The following MRC1 variants were observed in gnomAD, a reference collection of about 807,000 sequenced individuals.
MRC1 encodes mannose receptor C-type 1.
MRC1 carries 62 observed loss-of-function variants against 102.9 expected under a neutral mutation model. The ratio of observed to expected loss-of-function variants is 0.60; its 90% CI spans 0.49 to 0.74. The LOEUF (loss-of-function observed/expected upper bound fraction) is 0.74. Among genes scored for constraint, MRC1 ranks in the 30% least tolerant of loss-of-function variants. The pLI is 0.00. For synonymous variants in MRC1, 457 were observed against 298.4 expected (o/e 1.53, Z -5.48); for missense variants, 1,237 against 862.8 (o/e 1.43, Z -5.43).
chr10:17,859,485 T>A (rs948414873), intron 9 of MRC1, among the ~76,000 whole-genome samples: 1 of 152,076 alleles, frequency 6.6e-6, no homozygotes, highest in Non-Finnish European at 1.5e-5. Flanking sequence ...GCCCAGCTAA[T>A]TTTTGCATTT....
intron 1 of MRC1, among the ~76,000 whole-genome samples, chr10:17,818,854 CAAG>C (rs1161234763): frequency 6.6e-6 from 1 of 152,066 alleles, no homozygotes; most frequent in East Asian, 1.9e-4. Context: ...GTGAGCATCC[CAAG>C]AAGAGGGAAC....
rs1589195471 is a variant in MRC1 at position 17,898,140 on chromosome 10, G to A, written c.3357G>A (p.Ala1119=). 2.6e-6 allele frequency: 2 copies of A among 780,840 alleles called. No individual in the cohort carries two copies. Among genetic ancestry groups the A allele is most frequent in the East Asian group, 2.4e-5 (1 of 41,252 alleles). The allele number at this position is 780,840 out of a possible 1,614,324, so 48.4% of individuals were successfully genotyped here. ...GACAAAAATTTCAATGGCATGAAGC[G>A]GAGACATACTGCAAGCTTCACAATT... The part of the protein sequence containing the change: ...LMRQKFQWHE[A]ETYCKLHNSL... Residue 1119 remains alanine (A), a synonymous_variant, in exon 24 of 30, where the codon GCG becomes GCA. Coordinates refer to ENST00000569591, the MANE Select transcript of MRC1 (RefSeq NM_002438.4).
rs926156507 is a variant in MRC1 at position 17,816,671 on chromosome 10, G to A, written c.62-6403G>A. 3.3e-5 allele frequency among the ~76,000 whole-genome samples: 5 copies of A among 152,326 alleles called. No individual in the cohort carries two copies. In the East Asian group the frequency reaches 5.8e-4, roughly 18 times the overall value. ...TGGGGCCTGCATGCACCTAAACAGC[G>A]AAGGCCGAGGAGAAATAGTATAAAT... On this transcript the variant is annotated intron_variant, in intron 1 of 29. Transcript: ENST00000569591.
Position 17,898,179 on chromosome 10 carries a change from C to T in MRC1, c.3396C>T (p.Ser1132=), listed in dbSNP as rs1370907245. The T allele has an allele frequency of 2.4e-5, 19 of 780,760 alleles. No individual in the cohort carries two copies. The highest frequency in any genetic ancestry group is 3.8e-5 in the Non-Finnish European group (16 of 417,976). The allele number at this position is 780,760 out of a possible 1,614,324, so 48.4% of individuals were successfully genotyped here. ...YCKLHNSLIA[S]ILDPYSNAFA... The stretch of plus-strand genomic sequence containing the variant: ...AGCTTCACAATTCCCTTATAGCCAG[C>T]ATTCTGGATCCCTACAGTAATGCAT... Residue 1132 remains serine, a synonymous_variant, in exon 24 of 30, where the codon AGC becomes AGT. Transcript: ENST00000569591.
At chr10:17,810,842 C>T (rs1168273207) in intron 1 of MRC1, among the ~76,000 whole-genome samples, 1 of 152,166 alleles carries the variant, frequency 6.6e-6, no homozygotes. Flanking sequence ...GCCCAGGCTG[C>T]AGTGCAGTGG....
chr10:17,889,934 A>C (rs1833650445), intron 22 of MRC1, among the ~76,000 whole-genome samples: 1 of 152,086 alleles, frequency 6.6e-6, no homozygotes, highest in Non-Finnish European at 1.5e-5. Context: ...TCATTTATCT[A>C]TATAGACCTG....
At chr10:17,850,627 G>T (rs997316049) in intron 7 of MRC1, among the ~76,000 whole-genome samples, 1 of 152,066 alleles carries the variant, frequency 6.6e-6, no homozygotes, top group African/African-American at 2.4e-5. Context: ...ATTAAATGAT[G>T]ATCATTTTCA....
At chr10:17,883,338 A>T (rs1446113887) in intron 21 of MRC1, among the ~76,000 whole-genome samples, 1 of 152,086 alleles carries the variant, frequency 6.6e-6, no homozygotes, top group Non-Finnish European at 1.5e-5. Flanking sequence ...TATGTTGCCC[A>T]GGCTGGCTTA....
At chr10:17,832,651 G>A (rs1017593530) in intron 3 of MRC1, among the ~76,000 whole-genome samples, 12 of 148,986 alleles carry the variant, frequency 8.1e-5, no homozygotes, top group South Asian at 2.1e-4. Context: ...GCAGTGACGC[G>A]ATCTCGGCTC....
chr10:17,842,699 A>T (rs1838769800), intron 5 of MRC1, among the ~76,000 whole-genome samples: 1 of 152,176 alleles, frequency 6.6e-6, no homozygotes, highest in Non-Finnish European at 1.5e-5. Flanking sequence ...GTGTTGCTAA[A>T]TTTTTATACA....
chr10:17,900,112 A>AG (rs1833808988), intron 24 of MRC1, among the ~76,000 whole-genome samples: 1 of 151,394 alleles, frequency 6.6e-6, no homozygotes, highest in Non-Finnish European at 1.5e-5. Flanking sequence ...AAAAAAAAAA[A>AG]AAAAGAAAGA....
In MRC1 at chr10:17,894,975, C is replaced by G. The variant is rs953951287; in HGVS notation, c.3250+663C>G. On this transcript the variant is annotated intron_variant, in intron 23 of 29. Transcript: ENST00000569591. The stretch of plus-strand genomic sequence containing the variant: ...ATTGCTTGAGCCCCCGCATTTGAGA[C>G]CAGCCTGGTTAACACAGTGAAATCC... Among the ~76,000 whole-genome samples, 3 of 152,214 alleles carry G rather than the reference C, an allele frequency of 2.0e-5. No individual in the cohort carries two copies. The South Asian group carries it at 6.2e-4, about 32-fold the overall frequency.
intron 9 of MRC1, among the ~76,000 whole-genome samples, chr10:17,857,659 GT>G (rs1676446824): frequency 6.6e-6 from 1 of 152,188 alleles, no homozygotes. Context: ...AAAAACACCT[GT>G]TTGAGGCAGT....
intron 13 of MRC1, 42 bp downstream of exon 13, chr10:17,870,415 T>C (rs935872577): frequency 1.3e-6 from 1 of 779,922 alleles, no homozygotes; most frequent in East Asian, 2.4e-5. Flanking sequence ...TGTTATCTAG[T>C]TGGTGCTTAT....
chr10:17,885,875 A>G (rs951661889), intron 22 of MRC1, among the ~76,000 whole-genome samples: 1 of 151,724 alleles, frequency 6.6e-6, no homozygotes, highest in Non-Finnish European at 1.5e-5. Flanking sequence ...ATATTTGTAG[A>G]CTGCTTATTA....
chr10:17,844,268 G>C (rs1370915683), intron 5 of MRC1, among the ~76,000 whole-genome samples: 1 of 152,066 alleles, frequency 6.6e-6, no homozygotes, highest in African/African-American at 2.4e-5. Flanking sequence ...ACCCCGGCTG[G>C]AGTGCAGTGG....
intron 18 of MRC1, 26 bp downstream of exon 18, chr10:17,877,993 T>C (rs1833460603): frequency 1.1e-6 from 1 of 871,770 alleles, no homozygotes; most frequent in Non-Finnish European, 2.0e-6. Flanking sequence ...TAAAAACAAC[T>C]TTGCTTGGGT....
At chr10:17,848,864 G>A (rs1311952326) in intron 6 of MRC1, among the ~76,000 whole-genome samples, 4 of 152,094 alleles carry the variant, frequency 2.6e-5, no homozygotes, top group Non-Finnish European at 5.9e-5. Flanking sequence ...TGACTCATGT[G>A]GCTATGGTGG....
chr10:17,894,964 C>A (rs997835758), intron 23 of MRC1, among the ~76,000 whole-genome samples: 1 of 152,102 alleles, frequency 6.6e-6, no homozygotes, highest in Non-Finnish European at 1.5e-5. Context: ...CTTGAGCCCC[C>A]GCATTTGAGA....
Sources: allele counts gnomAD v4.1 joint callset (sites outside exome capture counted in the v4.1 genomes callset), GRCh38; gene constraint gnomAD v4.1.1; transcripts MANE v1.5; gene names NCBI Gene and HGNC (gene_info 2026-07-23, HGNC 2026-07-21).